IMPG1: variants seen among roughly 807,000 people sequenced by gnomAD.
IMPG1 encodes the protein interphotoreceptor matrix proteoglycan of 150 kDa.
In IMPG1, 85 loss-of-function variants were observed where a neutral mutation model predicts 92.0. The ratio of observed to expected loss-of-function variants is 0.92; its 90% CI spans 0.78 to 1.11. IMPG1 has a LOEUF of 1.11. Ranked by LOEUF, IMPG1 falls within the 50% of genes least tolerant of loss-of-function variation. The pLI, the probability that IMPG1 is intolerant of heterozygous loss-of-function variation, is 0.00. For missense variants in IMPG1, 1,022 were observed against 956.0 expected (o/e 1.07, Z -0.91); for synonymous variants, 367 against 334.1 (o/e 1.10, Z -1.08).
At chr6:75,969,715 A>G (rs922892861) in intron 12 of IMPG1, among the ~76,000 whole-genome samples, 1 of 151,870 alleles carries the variant, frequency 6.6e-6, no homozygotes, top group South Asian at 2.1e-4. Flanking sequence ...CCTGGGTGAC[A>G]GAGACTCCAT....
At chr6:75,981,116 C>T (rs1178845319) in intron 12 of IMPG1, among the ~76,000 whole-genome samples, 1 of 152,198 alleles carries the variant, frequency 6.6e-6, no homozygotes, top group Non-Finnish European at 1.5e-5. Flanking sequence ...TATACTACAG[C>T]ATTTTTCTTC....
chr6:75,936,649 A>T (rs1781751475), intron 14 of IMPG1, among the ~76,000 whole-genome samples: 1 of 152,214 alleles, frequency 6.6e-6, no homozygotes, highest in Admixed American at 6.5e-5. Flanking sequence ...GTGTGAGTGG[A>T]TGTGTGAATA....
At chr6:75,931,367 A>C (rs918384203) in intron 14 of IMPG1, among the ~76,000 whole-genome samples, 1 of 152,178 alleles carries the variant, frequency 6.6e-6, no homozygotes, top group African/African-American at 2.4e-5. Flanking sequence ...TCCAAATGTA[A>C]TTATTTACAA....
chr6:75,973,573 A>G (rs547231041), intron 12 of IMPG1, among the ~76,000 whole-genome samples: 123 of 152,208 alleles, frequency 8.1e-4, no homozygotes, highest in Non-Finnish European at 9.1e-4. Context: ...AATAAGTACT[A>G]TTATCATTTC....
intron 1 of IMPG1, among the ~76,000 whole-genome samples, chr6:76,048,690 CCT>C (rs1198566899): frequency 6.6e-6 from 1 of 152,126 alleles, no homozygotes; most frequent in Non-Finnish European, 1.5e-5. Flanking sequence ...TTAAAAAAAT[CCT>C]CTCTCTATAG....
chr6:76,003,865 C>A lies in IMPG1; in HGVS notation c.1212+9G>T, dbSNP rs538341318. On this transcript the variant is annotated intron_variant, in intron 11 of 16. Coordinates refer to ENST00000369950, the MANE Select transcript of IMPG1 (RefSeq NM_001563.4). ...TCCTAGTTAAAGAACAAAAGGACAACAAACTTACCTCTGTTATAACAGCAA... is the reference window on the plus strand; with the variant it reads ...TCCTAGTTAAAGAACAAAAGGACAAAAAACTTACCTCTGTTATAACAGCAA... The A allele has an allele frequency of 1.9e-6, 3 of 1,606,006 alleles. No individual in the cohort carries two copies. The highest frequency in any genetic ancestry group is 1.3e-5 in the African/African-American group (1 of 74,552).
At chr6:75,976,333 G>C (rs1251811200) in intron 12 of IMPG1, among the ~76,000 whole-genome samples, 1 of 152,168 alleles carries the variant, frequency 6.6e-6, no homozygotes, top group Non-Finnish European at 1.5e-5. Context: ...GGGAGACCAA[G>C]GCAGGCCACT....
At chr6:75,974,375 CTTTCTTTCTTTCTTTCTTTTCT>C (rs1582078369) in intron 12 of IMPG1, among the ~76,000 whole-genome samples, 8 of 83,416 alleles carry the variant, frequency 9.6e-5, no homozygotes, top group South Asian at 8.7e-4. Flanking sequence ...TTCTTTCTTT[CTTTCTTTCTTTCTTTCTTTTCT>C]TTCTTTCCTT....
chr6:76,065,222 A>G (rs1230768369), intron 1 of IMPG1, among the ~76,000 whole-genome samples: 3 of 152,158 alleles, frequency 2.0e-5, no homozygotes, highest in Non-Finnish European at 4.4e-5. Context: ...TAGCTCTCCC[A>G]CAATGGATCT....
chr6:75,933,589 T>G (rs981018906), intron 14 of IMPG1, among the ~76,000 whole-genome samples: 1 of 152,112 alleles, frequency 6.6e-6, no homozygotes, highest in Admixed American at 6.5e-5. Context: ...TGTCAGTGGC[T>G]GCTCGTTAGC....
In IMPG1 at chr6:76,010,384, T is replaced by C. The variant is rs140170434; in HGVS notation, c.866+782A>G. On this transcript the variant is annotated intron_variant, in intron 8 of 16. Coordinates refer to ENST00000369950, the MANE Select transcript of IMPG1 (RefSeq NM_001563.4). ...AAATAGCATATTATGAGTTCATCTG[T>C]AGACGTTTTGAAAAATGAGAACTTA... Among the ~76,000 whole-genome samples the C allele has an allele frequency of 2.7e-3, 412 of 152,318 alleles. 1 individual carries two copies. Among genetic ancestry groups the C allele is most frequent in the African/African-American group, 9.5e-3 (396 of 41,570 alleles).
chr6:75,974,330 C>T (rs944710235), intron 12 of IMPG1, among the ~76,000 whole-genome samples: 32 of 98,264 alleles, frequency 3.3e-4, no homozygotes, highest in African/African-American at 6.5e-4. Flanking sequence ...TCTTTCTTTC[C>T]CTTTCTTTCT....
intron 4 of IMPG1, 67 bp from the exon 5 acceptor site, chr6:76,025,325 A>G: frequency 1.2e-6 from 1 of 855,162 alleles, no homozygotes; most frequent in South Asian, 1.5e-5. Context: ...GAGAACATAC[A>G]TTTAAATTTC....
In IMPG1 at chr6:75,964,227, A is replaced by T. The variant is rs532472083; in HGVS notation, c.1292-13133T>A. On this transcript the variant is annotated intron_variant, in intron 12 of 16. Transcript: ENST00000369950. ...AAGCACGAAGAGAAGGCTAATCGGG[A>T]AGTGGCTGCTTTCTGGTTATGGGGG... is the stretch of plus-strand genomic sequence containing the variant. Among the ~76,000 whole-genome samples, 63 of 152,282 alleles carry T rather than the reference A, an allele frequency of 4.1e-4. No homozygotes were observed. The East Asian group carries it at 5.8e-3, about 14-fold the overall frequency.
intron 7 of IMPG1, among the ~76,000 whole-genome samples, chr6:76,017,722 T>C (rs1783315460): frequency 6.6e-6 from 1 of 152,152 alleles, no homozygotes; most frequent in Admixed American, 6.6e-5. Flanking sequence ...TTTTAAAACC[T>C]ACTAATTTTT....
At chr6:75,959,971 C>T (rs1437543553) in intron 12 of IMPG1, among the ~76,000 whole-genome samples, 2 of 152,166 alleles carry the variant, frequency 1.3e-5, no homozygotes, top group East Asian at 1.9e-4. Context: ...CAGTTTTGTG[C>T]TTGAAACCCA....
At chr6:76,048,747 G>A (rs1022456375) in intron 1 of IMPG1, among the ~76,000 whole-genome samples, 94 of 152,024 alleles carry the variant, frequency 6.2e-4, no homozygotes, top group African/African-American at 2.2e-3. Flanking sequence ...TTACACTGAC[G>A]CAAAACTATT....
In IMPG1 at chr6:75,984,229, G is replaced by C. The variant is rs146466713; in HGVS notation, c.1291+18689C>G. On this transcript the variant is annotated intron_variant, in intron 12 of 16. Coordinates refer to ENST00000369950, the MANE Select transcript of IMPG1 (RefSeq NM_001563.4). ...TCCCACTAGTGGGTATATATACAAA[G>C]CAAATACAATCAATATGTTGAAAAG... Among the ~76,000 whole-genome samples, 404 of 152,226 alleles carry C rather than the reference G, an allele frequency of 2.7e-3. 1 individual carries two copies. Among genetic ancestry groups the C allele is most frequent in the African/African-American group, 9.3e-3 (387 of 41,538 alleles).
intron 1 of IMPG1, among the ~76,000 whole-genome samples, chr6:76,066,647 A>C (rs976306764): frequency 6.6e-6 from 1 of 152,136 alleles, no homozygotes; most frequent in Non-Finnish European, 1.5e-5. Context: ...GCTCATTGAC[A>C]CAGAAAATCA....
Sources: gnomAD v4.1 joint callset for allele counts (sites outside exome capture counted in the v4.1 genomes callset) on GRCh38, gnomAD v4.1.1 for gene constraint, MANE v1.5 for transcripts, NCBI Gene and HGNC (gene_info 2026-07-23, HGNC 2026-07-21) for gene names.